The following RNF213 variants were observed in gnomAD, a reference collection of about 807,000 sequenced individuals.
RNF213 encodes ring finger protein 213, also known as E3 ubiquitin-protein ligase RNF213.
RNF213 carries 341 observed loss-of-function variants against 514.4 expected under a neutral mutation model. The observed-to-expected ratio is 0.66, with a 90% CI of 0.61 to 0.73. The LOEUF (loss-of-function observed/expected upper bound fraction) is 0.73. Ranked by LOEUF, RNF213 falls within the 30% of genes least tolerant of loss-of-function variation. The pLI is 0.00. For missense variants in RNF213, 5,767 were observed against 6,615.6 expected (o/e 0.87, Z 4.45); for synonymous variants, 2,655 against 2,658.2 (o/e 1.00, Z 0.04).
At chr17:80,378,296 A>C (rs1352067768) in intron 54 of RNF213, among the ~76,000 whole-genome samples, 2 of 152,310 alleles carry the variant, frequency 1.3e-5, no homozygotes, top group African/African-American at 4.8e-5. Flanking sequence ...CAGATGCCAA[A>C]GGAAAAAGCC....
At chr17:80,384,374 A>G (rs1012056098) in intron 59 of RNF213, among the ~76,000 whole-genome samples, 5 of 152,198 alleles carry the variant, frequency 3.3e-5, no homozygotes, top group Non-Finnish European at 7.4e-5. Context: ...GTGCTGGGGT[A>G]CTGGGGAGCA....
intron 5 of RNF213, among the ~76,000 whole-genome samples, chr17:80,289,402 C>T (rs1488750303): frequency 6.6e-6 from 1 of 152,056 alleles, no homozygotes; most frequent in African/African-American, 2.4e-5. Flanking sequence ...CCAGCCTGGC[C>T]AACATGGTGA....
In RNF213 at chr17:80,348,261, T is replaced by A; in HGVS notation, c.9926T>A (p.Leu3309Gln). 7 of 1,613,644 alleles carry A rather than the reference T, an allele frequency of 4.3e-6. No individual in the cohort carries two copies. The highest frequency in any genetic ancestry group is 5.1e-6 in the Non-Finnish European group (6 of 1,180,032). The change falls in exon 29 of 68, where the codon CTG becomes CAG. Residue 3309 changes from leucine to glutamine, a missense_variant. Physicochemically the swap from Leu to Gln is moderately radical, Grantham distance 113. Transcript: ENST00000582970. ...FLQAHLHTAD[L>Q]ERHAIFTEIT... The stretch of plus-strand genomic sequence containing the variant: ...CAGGCACACCTGCACACGGCAGACC[T>A]GGAGCGCCACGCCATCTTCACAGAG...
At chr17:80,348,939 G>A (rs1055429860) in intron 29 of RNF213, among the ~76,000 whole-genome samples, 1 of 152,204 alleles carries the variant, frequency 6.6e-6, no homozygotes, top group Non-Finnish European at 1.5e-5. Context: ...CTGGAGGCAC[G>A]CTTGTCTCCC....
chr17:80,270,108 GCGCA>G (rs2043769155), intron 2 of RNF213, among the ~76,000 whole-genome samples: 1 of 152,188 alleles, frequency 6.6e-6, no homozygotes, highest in Non-Finnish European at 1.5e-5. Context: ...GTGAATGTGT[GCGCA>G]CACACACACA....
intron 36 of RNF213, among the ~76,000 whole-genome samples, chr17:80,356,535 G>A (rs1472347520): frequency 6.6e-6 from 1 of 152,242 alleles, no homozygotes; most frequent in Non-Finnish European, 1.5e-5. Flanking sequence ...CCACCACTGT[G>A]TTCTGGGGAC....
chr17:80,322,621 C>T (rs1047757903), intron 17 of RNF213, among the ~76,000 whole-genome samples: 4 of 151,998 alleles, frequency 2.6e-5, no homozygotes, highest in African/African-American at 9.7e-5. Flanking sequence ...TGAGATGTTG[C>T]CCAGGCTGGT....
chr17:80,262,099 G>A (rs1011985750), intron 1 of RNF213, among the ~76,000 whole-genome samples: 2 of 152,178 alleles, frequency 1.3e-5, no homozygotes, highest in South Asian at 2.1e-4. Context: ...CGGGTGGAAA[G>A]AAAGAGGCCT....
At chr17:80,388,416 C>T in intron 63 of RNF213, 196 bp from the exon 64 acceptor site, 1 of 607,352 alleles carries the variant, frequency 1.6e-6, no homozygotes, top group Non-Finnish European at 3.0e-6. Context: ...GCTGTGAGGA[C>T]TCCGCTGGAT....
At chr17:80,279,974 C>T (rs1206665731) in intron 3 of RNF213, among the ~76,000 whole-genome samples, 2 of 152,286 alleles carry the variant, frequency 1.3e-5, no homozygotes, top group African/African-American at 2.4e-5. Context: ...GCACCGCGCT[C>T]CCCCCAGCCC....
chr17:80,292,002 T>C, intron 8 of RNF213, 175 bp downstream of exon 8: 1 of 713,058 alleles, frequency 1.4e-6, no homozygotes, highest in Non-Finnish European at 2.5e-6. Flanking sequence ...CTGGGTTGTG[T>C]CTCTGGTTGG....
chr17:80,303,552 T>TTTTTC (rs1371269747), intron 11 of RNF213, among the ~76,000 whole-genome samples: 6 of 150,576 alleles, frequency 4.0e-5, no homozygotes, highest in African/African-American at 9.9e-5. Context: ...TTCCTTTTCT[T>TTTTTC]TTTTCTTTTC....
At chr17:80,315,170 GGTGATGGTGGTGGAC>G (rs1270840135) in intron 15 of RNF213, among the ~76,000 whole-genome samples, 2 of 21,138 alleles carry the variant, frequency 9.5e-5, no homozygotes, top group Non-Finnish European at 7.8e-5. Flanking sequence ...AGGTAATGGA[GGTGATGGTGGTGGAC>G]GTGATGGTGG....
At position 80,385,110 on chromosome 17, in the gene RNF213, C is replaced by T. The variant is rs1281547899; in HGVS notation, c.14394C>T (p.Phe4798=). Reference sequence around the variant, plus strand: ...TGCAAAGGGATCTAGTGAAGCAGTTCCAGAACGTCCAGCAAGTTGAATACA... The same window carrying T: ...TGCAAAGGGATCTAGTGAAGCAGTTTCAGAACGTCCAGCAAGTTGAATACA... ...LALQRDLVKQ[F]QNVQQVEYSS... Residue 4798 remains phenylalanine, a synonymous_variant, in exon 60 of 68, where the codon TTC becomes TTT. Coordinates refer to ENST00000582970, the MANE Select transcript of RNF213 (RefSeq NM_001256071.3). 1.2e-6 allele frequency: 2 copies of T among 1,614,088 alleles called. No individual in the cohort carries two copies. The highest frequency in any genetic ancestry group is 2.2e-5 in the South Asian group (2 of 91,086).
intron 3 of RNF213, among the ~76,000 whole-genome samples, chr17:80,284,881 T>C (rs1357675362): frequency 6.6e-6 from 1 of 152,210 alleles, no homozygotes; most frequent in Non-Finnish European, 1.5e-5. Context: ...TCATTGGCTC[T>C]GATTGGCTCA....
chr17:80,350,230 A>T, intron 30 of RNF213, 71 bp from the exon 31 acceptor site: 1 of 973,486 alleles, frequency 1.0e-6, no homozygotes, highest in Non-Finnish European at 1.6e-6. Context: ...GTTTCCCATC[A>T]CTTTGGGGAA....
intron 3 of RNF213, among the ~76,000 whole-genome samples, chr17:80,274,594 TGA>T (rs1168690724): frequency 1.2e-4 from 3 of 24,778 alleles, no homozygotes; most frequent in Admixed American, 4.5e-4. Context: ...CTGTGGGGGG[TGA>T]GTGGGGTGAG....
chr17:80,381,148 GT>G (rs1284940305), intron 56 of RNF213, 161 bp downstream of exon 56: 2 of 798,168 alleles, frequency 2.5e-6, no homozygotes, highest in African/African-American at 1.7e-5. Context: ...GTTTCCCCCT[GT>G]GGCGTATGAT....
Position 80,376,406 on chromosome 17 carries a change from A to G in RNF213, c.13291A>G (p.Arg4431Gly), listed in dbSNP as rs780148682. ...CGTGGACAATTCTGTGCCATTGTTG[A>G]GGGCGGGGCCTAGTGACAGCAACCT... ...SLVDNSVPLLRAGPSDSNLDG... is the reference protein window; with the variant it reads ...SLVDNSVPLLGAGPSDSNLDG... Residue 4431 changes from arginine to glycine, a missense_variant, in exon 52 of 68, where the codon AGG becomes GGG. Arg to Gly is a moderately radical substitution (Grantham distance 125, BLOSUM62 -2). This residue lies in a region of RNF213 where 1,245 missense variants were observed against 1,339.0 expected (regional missense o/e 0.93). Transcript: ENST00000582970. The G allele has an allele frequency of 3.7e-6, 6 of 1,614,072 alleles. No individual in the cohort carries two copies. The South Asian group carries it at 6.6e-5, about 18-fold the overall frequency.
Sources: gnomAD v4.1 joint callset for allele counts (sites outside exome capture counted in the v4.1 genomes callset) on GRCh38, gnomAD v4.1.1 for gene constraint, gnomAD v4.1.1 regional missense constraint, MANE v1.5 for transcripts, NCBI Gene and HGNC (gene_info 2026-07-23, HGNC 2026-07-21) for gene names.